Variants in ADCY8 observed in about 807,000 individuals in gnomAD.
ADCY8 encodes the protein adenylate cyclase type 8.
In ADCY8, 51 loss-of-function variants were observed where a neutral mutation model predicts 119.7. That is an observed-to-expected ratio of 0.43 (90% CI 0.34 to 0.54). The LOEUF is 0.54. ADCY8 is among the 20% of genes least tolerant of loss of function. ADCY8 has a pLI of 0.03. For synonymous variants in ADCY8, 665 were observed against 651.0 expected, an observed-to-expected ratio of 1.02 and a Z score of -0.33; for missense variants, 1,383 against 1,598.8, an observed-to-expected ratio of 0.87 and a Z score of 2.30.
At chr8:131,002,433 A>G (rs2130764639) in intron 1 of ADCY8, among the ~76,000 whole-genome samples, 1 of 152,288 alleles carries the variant, frequency 6.6e-6, no homozygotes, top group South Asian at 2.1e-4. Flanking sequence ...GAGGAAGAAA[A>G]TCTATAGGAG....
intron 12 of ADCY8, 117 bp downstream of exon 12, chr8:130,836,160 A>C: frequency 1.8e-6 from 2 of 1,120,198 alleles, no homozygotes; most frequent in Non-Finnish European, 2.5e-6. Flanking sequence ...TTTGAGATAT[A>C]AGTCAATATC....
At chr8:130,926,279 A>G (rs1000042520) in intron 5 of ADCY8, among the ~76,000 whole-genome samples, 2 of 151,614 alleles carry the variant, frequency 1.3e-5, no homozygotes, top group Non-Finnish European at 2.9e-5. Context: ...AACAGCTAGC[A>G]TGACTCATTG....
At chr8:131,021,230 T>C (rs1823656343) in intron 1 of ADCY8, among the ~76,000 whole-genome samples, 1 of 152,162 alleles carries the variant, frequency 6.6e-6, no homozygotes, top group Non-Finnish European at 1.5e-5. Context: ...ATGAGCAGTC[T>C]AGGGCTGGCA....
chr8:130,797,167 A>G (rs1156387592), intron 15 of ADCY8, among the ~76,000 whole-genome samples: 1 of 152,164 alleles, frequency 6.6e-6, no homozygotes, highest in Non-Finnish European at 1.5e-5. Context: ...GTGGCCCAGG[A>G]CGTCTTTGAA....
intron 11 of ADCY8, among the ~76,000 whole-genome samples, chr8:130,846,441 CTT>C (rs953168962): frequency 2.0e-5 from 3 of 152,104 alleles, no homozygotes; most frequent in Non-Finnish European, 4.4e-5. Flanking sequence ...TTCTGGCACT[CTT>C]TGTATCAGTT....
intron 2 of ADCY8, among the ~76,000 whole-genome samples, chr8:130,989,979 T>C (rs1822523856): frequency 6.6e-6 from 1 of 152,200 alleles, no homozygotes; most frequent in Non-Finnish European, 1.5e-5. Flanking sequence ...ACTAGACATG[T>C]GTAAGATTCT....
chr8:130,812,491 G>T (rs1816200571), intron 14 of ADCY8, among the ~76,000 whole-genome samples: 1 of 152,222 alleles, frequency 6.6e-6, no homozygotes, highest in Non-Finnish European at 1.5e-5. Flanking sequence ...TCTATGACTG[G>T]TGATGTTAAA....
At chr8:130,975,392 G>A (rs1220620027) in intron 2 of ADCY8, among the ~76,000 whole-genome samples, 1 of 152,190 alleles carries the variant, frequency 6.6e-6, no homozygotes, top group Non-Finnish European at 1.5e-5. Context: ...CTCTGAATGT[G>A]CTGCTGGGAG....
chr8:131,016,770 T>C (rs1205377593), intron 1 of ADCY8, among the ~76,000 whole-genome samples: 2 of 152,076 alleles, frequency 1.3e-5, no homozygotes, highest in African/African-American at 2.4e-5. Flanking sequence ...TGGACCATTG[T>C]AGGGACACTG....
intron 1 of ADCY8, among the ~76,000 whole-genome samples, chr8:131,011,894 T>C (rs1823318300): frequency 6.6e-6 from 1 of 151,996 alleles, no homozygotes; most frequent in African/African-American, 2.4e-5. Context: ...TGAGGATGGG[T>C]TGTCACCCTC....
chr8:131,001,674 T>C (rs973920073), intron 1 of ADCY8, among the ~76,000 whole-genome samples: 35 of 149,950 alleles, frequency 2.3e-4, no homozygotes, highest in Middle Eastern at 7.1e-3. Flanking sequence ...AGATCACAAA[T>C]GCCCAATAAA....
chr8:130,921,094 T>G (rs1344657430), intron 5 of ADCY8, among the ~76,000 whole-genome samples: 1 of 152,238 alleles, frequency 6.6e-6, no homozygotes, highest in Non-Finnish European at 1.5e-5. Context: ...ATACTTTTCC[T>G]TTTTGAAATA....
chr8:131,012,262 T>A (rs1823331169), intron 1 of ADCY8, among the ~76,000 whole-genome samples: 1 of 152,126 alleles, frequency 6.6e-6, no homozygotes, highest in Non-Finnish European at 1.5e-5. Context: ...GAAGTCATGG[T>A]GACCAGAGGC....
intron 14 of ADCY8, among the ~76,000 whole-genome samples, chr8:130,807,703 C>T (rs548906298): frequency 2.6e-5 from 4 of 152,208 alleles, no homozygotes; most frequent in Middle Eastern, 3.4e-3. Context: ...TGGCCAGTAT[C>T]GCCGGGCGCG....
chr8:130,803,213 C>A (rs1815836956), intron 14 of ADCY8, among the ~76,000 whole-genome samples: 2 of 152,206 alleles, frequency 1.3e-5, no homozygotes. Context: ...TCCTTCCCTG[C>A]AGTTAGCTTC....
intron 5 of ADCY8, among the ~76,000 whole-genome samples, chr8:130,912,419 A>G (rs760468449): frequency 2.6e-5 from 4 of 152,220 alleles, no homozygotes; most frequent in Non-Finnish European, 4.4e-5. Flanking sequence ...GGTAAAGAGT[A>G]TAAGGTCCTC....
chr8:130,867,865 T>C lies in ADCY8; in HGVS notation c.2191A>G (p.Ser731Gly), dbSNP rs545483840. 1.2e-6 allele frequency: 2 copies of C among 1,611,080 alleles called. No homozygotes were observed. The highest frequency in any genetic ancestry group is 1.7e-6 in the Non-Finnish European group (2 of 1,178,210). The change falls in exon 9 of 18, where the codon AGT becomes GGT. Residue 731 changes from serine (S) to glycine (G), a missense_variant. Ser to Gly is a moderately conservative substitution (Grantham distance 56). Coordinates refer to ENST00000286355, the MANE Select transcript of ADCY8 (RefSeq NM_001115.3). ...ATTTACCTTGAAGAAGGAAGCAAAC[T>C]TTGTATTGCCGTGATAAATAGAAGA... is the stretch of plus-strand genomic sequence containing the variant. Reference protein sequence around the residue: ...IVLLFITAIQSLLPSSRVMPM... With the variant: ...IVLLFITAIQGLLPSSRVMPM...
chr8:130,898,652 C>G (rs1012024198), intron 7 of ADCY8, among the ~76,000 whole-genome samples: 1 of 152,160 alleles, frequency 6.6e-6, no homozygotes, highest in Non-Finnish European at 1.5e-5. Flanking sequence ...GATGATTCCA[C>G]AACATACGGA....
At chr8:130,987,494 C>A (rs993860251) in intron 2 of ADCY8, among the ~76,000 whole-genome samples, 2 of 151,650 alleles carry the variant, frequency 1.3e-5, no homozygotes, top group Non-Finnish European at 2.9e-5. Flanking sequence ...TTTTTTGTAT[C>A]CTACCATGAG....
Sources: allele counts gnomAD v4.1 joint callset (sites outside exome capture counted in the v4.1 genomes callset), GRCh38; gene constraint gnomAD v4.1.1; transcripts MANE v1.5; gene names NCBI Gene and HGNC (gene_info 2026-07-23, HGNC 2026-07-21).